Variants in ANKRD33B observed in about 807,000 individuals in gnomAD.
The protein encoded by ANKRD33B is ankyrin repeat domain-containing protein 33B.
In ANKRD33B, 6 loss-of-function variants were observed where a neutral mutation model predicts 21.5. That is an observed-to-expected ratio of 0.28 (90% CI 0.15 to 0.55). The LOEUF (loss-of-function observed/expected upper bound fraction) is 0.55, where lower values mean the gene tolerates loss of function less well. Among genes scored for constraint, ANKRD33B ranks in the 20% least tolerant of loss-of-function variants. The pLI, the probability that ANKRD33B is intolerant of heterozygous loss-of-function variation, is 0.94. For synonymous variants in ANKRD33B, 347 were observed against 342.4 expected (o/e 1.01, Z -0.15); for missense variants, 698 against 747.2 (o/e 0.93, Z 0.77).
intron 1 of ANKRD33B, among the ~76,000 whole-genome samples, chr5:10,612,416 C>CT (rs1417375432): frequency 1.3e-5 from 2 of 152,218 alleles, no homozygotes; most frequent in Non-Finnish European, 2.9e-5. Flanking sequence ...TATGAGGGCT[C>CT]TGCCCTTATG....
chr5:10,604,337 A>G (rs1222005773), intron 1 of ANKRD33B, among the ~76,000 whole-genome samples: 3 of 149,550 alleles, frequency 2.0e-5, no homozygotes, highest in Non-Finnish European at 4.4e-5. Flanking sequence ...GACCACAGAT[A>G]TGCGCCACCG....
At position 10,619,217 on chromosome 5, in the gene ANKRD33B, TC is replaced by T. The variant is rs1736357823; in HGVS notation, c.496+756del. On this transcript the variant is annotated intron_variant, in intron 2 of 3. Coordinates refer to ENST00000296657, the MANE Select transcript of ANKRD33B (RefSeq NM_001164440.2). This position sits in a 1 kb window ranked among gnomAD's most constrained non-coding sequence, Gnocchi z 4.5. The stretch of plus-strand genomic sequence containing the variant: ...GCCTCCAAAGATTCTGTCTGTTTCA[TC>T]GGTCAAGTTCTCAGTTGCAAGCAAA... 1 of 771,892 alleles carries T rather than the reference TC, an allele frequency of 1.3e-6. No homozygotes were observed. Among genetic ancestry groups the T allele is most frequent in the South Asian group, 5.9e-5 (1 of 16,988 alleles). 47.8% of individuals were successfully genotyped at this position (771,892 alleles called of 1,614,324 possible).
intron 1 of ANKRD33B, among the ~76,000 whole-genome samples, chr5:10,607,748 A>G (rs960597716): frequency 6.6e-6 from 1 of 152,206 alleles, no homozygotes; most frequent in African/African-American, 2.4e-5. Flanking sequence ...TTTGAGGAAT[A>G]CTGAAGTCTA....
intron 1 of ANKRD33B, among the ~76,000 whole-genome samples, chr5:10,600,603 T>C (rs1050691629): frequency 2.0e-5 from 3 of 152,234 alleles, no homozygotes; most frequent in Non-Finnish European, 2.9e-5. Context: ...TGGGATATTA[T>C]GGATAAAGCT....
At chr5:10,573,467 C>CAAA (rs10706973) in intron 1 of ANKRD33B, among the ~76,000 whole-genome samples, 11 of 100,722 alleles carry the variant, frequency 1.1e-4, no homozygotes, top group Non-Finnish European at 1.2e-4. Context: ...GACTCCGTCT[C>CAAA]AAAAAAAAAA....
chr5:10,585,934 C>T (rs2126556382), intron 1 of ANKRD33B, among the ~76,000 whole-genome samples: 1 of 152,284 alleles, frequency 6.6e-6, no homozygotes, highest in South Asian at 2.1e-4. Context: ...GATGGCTTCC[C>T]TGTGCCAGGC....
chr5:10,610,401 G>GCCC (rs200203509), intron 1 of ANKRD33B, among the ~76,000 whole-genome samples: 13 of 146,490 alleles, frequency 8.9e-5, no homozygotes, highest in African/African-American at 3.3e-4. Flanking sequence ...ACAGGGGACA[G>GCCC]CCCCCCCCCC....
intron 2 of ANKRD33B, among the ~76,000 whole-genome samples, chr5:10,633,611 C>T (rs1052778783): frequency 3.3e-5 from 5 of 152,336 alleles, no homozygotes; most frequent in South Asian, 2.1e-4. Flanking sequence ...ATTTCCTCAG[C>T]GTTTCCCGGA....
chr5:10,606,815 G>A (rs953214741), intron 1 of ANKRD33B, among the ~76,000 whole-genome samples: 7 of 149,308 alleles, frequency 4.7e-5, no homozygotes, highest in African/African-American at 1.7e-4. Context: ...TGCAAGCTCC[G>A]CCTCCCAGGT....
chr5:10,583,963 A>T (rs566927311), intron 1 of ANKRD33B, among the ~76,000 whole-genome samples: 1 of 152,156 alleles, frequency 6.6e-6, no homozygotes, highest in Non-Finnish European at 1.5e-5. Flanking sequence ...GGAGGCATGA[A>T]ATATCCCTCC....
intron 2 of ANKRD33B, among the ~76,000 whole-genome samples, chr5:10,635,770 G>T (rs1280530274): frequency 1.3e-5 from 2 of 152,234 alleles, no homozygotes; most frequent in African/African-American, 4.8e-5. Flanking sequence ...GAGGAAACTG[G>T]GTTCCAACCC....
chr5:10,585,519 G>T (rs1735534217), intron 1 of ANKRD33B, among the ~76,000 whole-genome samples: 2 of 152,222 alleles, frequency 1.3e-5, no homozygotes, highest in Admixed American at 1.3e-4. Flanking sequence ...ATGTGGCTTT[G>T]CTTGTTCTAG....
chr5:10,590,603 CGCGCGTGT>C (rs1003762741), intron 1 of ANKRD33B, among the ~76,000 whole-genome samples: 10 of 94,476 alleles, frequency 1.1e-4, no homozygotes, highest in East Asian at 7.5e-4. Context: ...CGCGCGCGCG[CGCGCGTGT>C]GTGTGTGTGT....
Position 10,650,110 on chromosome 5 carries a change from G to T in ANKRD33B, c.1482G>T (p.Thr494=). Residue 494 remains threonine, a synonymous_variant, in exon 4 of 4, where the codon ACG becomes ACT. Transcript: ENST00000296657. ...GCACTGCGCCCTGGAAGAAGAGGAC[G>T]TGAGGGCCCGTGTGCCTGGCGCTGG... ...ERRTAPWKKR[T] 2.0e-6 allele frequency: 3 copies of T among 1,506,362 alleles called. No individual in the cohort carries two copies. The highest frequency in any genetic ancestry group is 2.7e-6 in the Non-Finnish European group (3 of 1,131,474). 93.3% of individuals were successfully genotyped at this position (1,506,362 alleles called of 1,614,324 possible).
chr5:10,603,915 A>G (rs1335103856), intron 1 of ANKRD33B, among the ~76,000 whole-genome samples: 1 of 140,544 alleles, frequency 7.1e-6, no homozygotes, highest in African/African-American at 2.7e-5. Flanking sequence ...TTTTTTTGAG[A>G]TGGAGTTTCA....
At chr5:10,603,813 T>G (rs1339073148) in intron 1 of ANKRD33B, among the ~76,000 whole-genome samples, 2 of 152,152 alleles carry the variant, frequency 1.3e-5, no homozygotes, top group Non-Finnish European at 2.9e-5. Context: ...ATACCTCAAT[T>G]TTACTAATAT....
At position 10,650,124 on chromosome 5, in the gene ANKRD33B, G is replaced by T. The variant is rs1211257383; in HGVS notation, c.*11G>T. On this transcript the variant is annotated 3_prime_UTR_variant, in exon 4 of 4. Transcript: ENST00000296657. ...AAGAAGAGGACGTGAGGGCCCGTGT[G>T]CCTGGCGCTGGGGCCGGGGCTGGGG... is the stretch of plus-strand genomic sequence containing the variant. 4.7e-6 allele frequency: 7 copies of T among 1,483,702 alleles called. No individual in the cohort carries two copies. The Admixed American group carries it at 8.8e-5, about 19-fold the overall frequency. The allele number at this position is 1,483,702 out of a possible 1,614,324, so 91.9% of individuals were successfully genotyped here. A position where few individuals can be genotyped will look rare whatever the true frequency, so the allele number is the denominator to read the frequency against.
intron 1 of ANKRD33B, among the ~76,000 whole-genome samples, chr5:10,614,025 G>A (rs7707812): frequency 0.067 from 10,051 of 150,472 alleles, 432 homozygotes; most frequent in Middle Eastern, 0.096. Context: ...GTGTGTGTGT[G>A]TATAAACATA....
chr5:10,601,699 G>A (rs762902760), intron 1 of ANKRD33B, among the ~76,000 whole-genome samples: 1 of 152,254 alleles, frequency 6.6e-6, no homozygotes. Flanking sequence ...AGCTGAAAGC[G>A]GTGCAGCCCT....
Sources: allele counts gnomAD v4.1 joint callset (sites outside exome capture counted in the v4.1 genomes callset), GRCh38; gene constraint gnomAD v4.1.1; non-coding constraint Gnocchi (gnomAD v3.1); transcripts MANE v1.5; gene names NCBI Gene and HGNC (gene_info 2026-07-23, HGNC 2026-07-21).